SORBS2: variants seen among roughly 807,000 people sequenced by gnomAD.
SORBS2 encodes sorbin and SH3 domain-containing protein 2.
Under a neutral mutation model 97.7 loss-of-function variants are expected in SORBS2, and 46 were observed. The ratio of observed to expected loss-of-function variants is 0.47; its 90% CI spans 0.37 to 0.60. The LOEUF (loss-of-function observed/expected upper bound fraction) is 0.60, where lower values mean the gene tolerates loss of function less well. Ranked by LOEUF, SORBS2 falls within the 20% of genes least tolerant of loss-of-function variation. SORBS2 has a pLI of 0.00. For synonymous variants in SORBS2, 476 were observed against 473.4 expected, an observed-to-expected ratio of 1.01 and a Z score of -0.07; for missense variants, 1,316 against 1,282.3, an observed-to-expected ratio of 1.03 and a Z score of -0.40.
At chr4:185,616,290 G>A (rs2096625861) in intron 9 of SORBS2, among the ~76,000 whole-genome samples, 1 of 152,106 alleles carries the variant, frequency 6.6e-6, no homozygotes, top group African/African-American at 2.4e-5. Flanking sequence ...TCGAAAAAAT[G>A]GTGGTATATT....
At chr4:185,816,455 C>A (rs932068994) in intron 1 of SORBS2, among the ~76,000 whole-genome samples, 2 of 152,154 alleles carry the variant, frequency 1.3e-5, no homozygotes, top group Non-Finnish European at 2.9e-5. Flanking sequence ...AAAGGTTATT[C>A]CAAAACCTTG....
At chr4:185,685,294 T>C (rs1298463272) in intron 2 of SORBS2, among the ~76,000 whole-genome samples, 1 of 152,190 alleles carries the variant, frequency 6.6e-6, no homozygotes, top group Non-Finnish European at 1.5e-5. Context: ...TTTACCATCT[T>C]CTAGCTGTTA....
rs537435375 is a variant in SORBS2 at position 185,874,483 on chromosome 4, A to C, written c.-338+81713T>G. 2.6e-5 allele frequency among the ~76,000 whole-genome samples: 4 copies of C among 152,322 alleles called. No homozygotes were observed. In the East Asian group the frequency reaches 7.7e-4, roughly 29 times the overall value. On this transcript the variant is annotated intron_variant, in intron 1 of 20. Coordinates refer to the SORBS2 transcript ENST00000284776. ...TCAAAAATAAGGGCCCCAAAGATGC[A>C]TGCTGAATGACTTAATTTTCTTATT...
At chr4:185,689,028 C>A (rs2098038073) in intron 2 of SORBS2, among the ~76,000 whole-genome samples, 1 of 152,128 alleles carries the variant, frequency 6.6e-6, no homozygotes, top group Non-Finnish European at 1.5e-5. Context: ...TAACTTGGGT[C>A]AAGTACCTTA....
At chr4:185,863,628 T>C (rs951765352) in intron 1 of SORBS2, among the ~76,000 whole-genome samples, 4 of 152,212 alleles carry the variant, frequency 2.6e-5, no homozygotes, top group African/African-American at 9.6e-5. Flanking sequence ...ATCATCCTTC[T>C]TCTTGTTTAG....
intron 3 of SORBS2, among the ~76,000 whole-genome samples, chr4:185,647,719 C>A (rs1478102272): frequency 6.6e-6 from 1 of 152,138 alleles, no homozygotes; most frequent in Non-Finnish European, 1.5e-5. Flanking sequence ...TGGAGCAAGA[C>A]CCCTTAAACT....
intron 2 of SORBS2, among the ~76,000 whole-genome samples, chr4:185,740,509 C>T (rs1247909775): frequency 3.9e-5 from 6 of 152,204 alleles, no homozygotes; most frequent in East Asian, 1.9e-4. Flanking sequence ...AGCTGAAAGT[C>T]AGTGAAATAG....
intron 1 of SORBS2, among the ~76,000 whole-genome samples, chr4:185,845,219 G>A (rs988311170): frequency 6.6e-6 from 1 of 151,872 alleles, no homozygotes; most frequent in Non-Finnish European, 1.5e-5. Context: ...AGAGTCCCAC[G>A]AGGTTGCCCA....
At chr4:185,738,526 A>T (rs1562222206) in intron 2 of SORBS2, among the ~76,000 whole-genome samples, 1 of 152,074 alleles carries the variant, frequency 6.6e-6, no homozygotes, top group African/African-American at 2.4e-5. Context: ...TAAAAAAACT[A>T]TTTTCTTTTT....
At chr4:185,594,478 G>A (rs1209983984) in intron 12 of SORBS2, among the ~76,000 whole-genome samples, 1 of 152,180 alleles carries the variant, frequency 6.6e-6, no homozygotes, top group African/African-American at 2.4e-5. Context: ...TGTTCTCAAT[G>A]TGGAGAGAAA....
At chr4:185,601,901 C>A (rs768876618) in intron 12 of SORBS2, among the ~76,000 whole-genome samples, 2 of 152,222 alleles carry the variant, frequency 1.3e-5, no homozygotes, top group Non-Finnish European at 1.5e-5. Context: ...AAAAAAGAGC[C>A]TCTCACTCTC....
intron 4 of SORBS2, among the ~76,000 whole-genome samples, chr4:185,632,419 AT>A (rs2096922971): frequency 6.6e-6 from 1 of 152,228 alleles, no homozygotes; most frequent in South Asian, 2.1e-4. Flanking sequence ...CTAGTCTGAT[AT>A]GTGTACATGG....
At chr4:185,806,437 T>G (rs35246100) in intron 1 of SORBS2, among the ~76,000 whole-genome samples, 1 of 530 alleles carries the variant, frequency 1.9e-3, no homozygotes, top group African/African-American at 3.1e-3. Context: ...TAGAATCCTA[T>G]TTTTTTTTTT....
At chr4:185,844,509 G>A (rs1049775769) in intron 1 of SORBS2, among the ~76,000 whole-genome samples, 4 of 152,130 alleles carry the variant, frequency 2.6e-5, no homozygotes, top group African/African-American at 7.2e-5. Context: ...ACTCATATAC[G>A]GCTGGAGGGA....
chr4:185,910,337 C>T (rs1398702922), intron 1 of SORBS2, among the ~76,000 whole-genome samples: 1 of 152,152 alleles, frequency 6.6e-6, no homozygotes, highest in Non-Finnish European at 1.5e-5. Flanking sequence ...AAAAGAAATG[C>T]TGATTTTGTA....
chr4:185,594,896 A>T (rs1044242910), intron 12 of SORBS2, among the ~76,000 whole-genome samples: 1 of 151,950 alleles, frequency 6.6e-6, no homozygotes, highest in African/African-American at 2.4e-5. Context: ...CATGGCAATT[A>T]TATAAGTGAC....
chr4:185,930,623 T>C (rs1470483962), intron 1 of SORBS2, among the ~76,000 whole-genome samples: 3 of 152,232 alleles, frequency 2.0e-5, no homozygotes, highest in East Asian at 3.9e-4. Flanking sequence ...AACTGGGGGA[T>C]TTTGAATCCT....
At chr4:185,628,152 C>T (rs1012242438) in intron 5 of SORBS2, among the ~76,000 whole-genome samples, 7 of 152,162 alleles carry the variant, frequency 4.6e-5, no homozygotes, top group African/African-American at 1.7e-4. Flanking sequence ...AAACCACCTG[C>T]TGGTTTTTGT....
intron 13 of SORBS2, 126 bp downstream of exon 25, chr4:185,593,760 A>C: frequency 1.5e-6 from 1 of 669,560 alleles, no homozygotes; most frequent in Non-Finnish European, 2.7e-6. Context: ...AATTTCTCGT[A>C]ATTTAAGAGG....
Sources: gnomAD v4.1 joint callset for allele counts (sites outside exome capture counted in the v4.1 genomes callset) on GRCh38, gnomAD v4.1.1 for gene constraint, MANE v1.5 for transcripts, NCBI Gene and HGNC (gene_info 2026-07-23, HGNC 2026-07-21) for gene names.